THADA: variants seen among roughly 807,000 people sequenced by gnomAD.
The protein encoded by THADA is THADA armadillo repeat containing, also known as tRNA (32-2'-O)-methyltransferase regulator THADA.
A neutral mutation model predicts 219.8 loss-of-function variants in THADA; 213 were observed. The observed-to-expected ratio is 0.97, with a 90% confidence interval of 0.87 to 1.09. THADA has a LOEUF of 1.09. THADA is among the 50% of genes least tolerant of loss of function. THADA has a pLI of 0.00. For synonymous variants in THADA, 1,018 were observed against 828.9 expected, an observed-to-expected ratio of 1.23 and a Z score of -3.92; for missense variants, 2,956 against 2,311.3, an observed-to-expected ratio of 1.28 and a Z score of -5.72.
intron 31 of THADA, among the ~76,000 whole-genome samples, chr2:43,310,353 A>AT (rs1363379623): frequency 6.6e-6 from 1 of 152,080 alleles, no homozygotes; most frequent in Admixed American, 6.6e-5. Context: ...CTATGAAGTA[A>AT]TGATAATCAA....
rs771119860 is a variant in THADA at position 43,586,434 on chromosome 2, T to C, written c.500A>G (p.Gln167Arg). The C allele has an allele frequency of 9.5e-6, 15 of 1,580,092 alleles. No homozygotes were observed. The highest frequency in any genetic ancestry group is 1.2e-5 in the Non-Finnish European group (14 of 1,163,926). ...TTCCAGGATTTCAATTAAACTCTTC[T>C]GCAGAAAATGAAGCACTGAAACAAA... ...NLLKNVLHFLQKSLIEILEEN... is the reference protein window; with the variant it reads ...NLLKNVLHFLRKSLIEILEEN... Residue 167 changes from glutamine (Q) to arginine (R), a missense_variant, in exon 7 of 38, where the codon CAG becomes CGG. Coordinates refer to ENST00000405975, the MANE Select transcript of THADA (RefSeq NM_022065.5).
intron 29 of THADA, among the ~76,000 whole-genome samples, chr2:43,359,342 T>C (rs1171801520): frequency 1.3e-5 from 2 of 152,214 alleles, no homozygotes; most frequent in African/African-American, 4.8e-5. Context: ...GGGCCTGTGA[T>C]ATCAGTCCTT....
chr2:43,296,499 C>T (rs1308517989), intron 31 of THADA, among the ~76,000 whole-genome samples: 2 of 151,972 alleles, frequency 1.3e-5, no homozygotes, highest in Admixed American at 6.6e-5. Context: ...TGGTCTCAAA[C>T]TCCTGACCTC....
At chr2:43,554,364 T>TA (rs1697104562) in intron 17 of THADA, among the ~76,000 whole-genome samples, 1 of 152,170 alleles carries the variant, frequency 6.6e-6, no homozygotes, top group African/African-American at 2.4e-5. Flanking sequence ...ACATCTCCCC[T>TA]CAACGCCTTG....
chr2:43,479,381 G>A (rs143306408), intron 26 of THADA, among the ~76,000 whole-genome samples: 5 of 152,162 alleles, frequency 3.3e-5, no homozygotes, highest in African/African-American at 1.2e-4. Context: ...TTTCAGATCT[G>A]CAAAATGAGA....
At chr2:43,551,704 A>G in intron 19 of THADA, 85 bp downstream of exon 19, 1 of 1,306,260 alleles carries the variant, frequency 7.7e-7, no homozygotes, top group Non-Finnish European at 1.0e-6. Context: ...TATCTCCCCA[A>G]AGAAATACTT....
rs774673118 is a variant in THADA, at chr2:43,485,295, C to T, written c.3775G>A (p.Ala1259Thr). The change falls in exon 26 of 38, where the codon GCC becomes ACC. Residue 1259 changes from alanine to threonine, a missense_variant. Physicochemically the swap from Ala to Thr is moderately conservative, Grantham distance 58. Transcript: ENST00000405975. Reference protein sequence around the residue: ...VRNSSTLLFSALITRIFGVKR... With the variant: ...VRNSSTLLFSTLITRIFGVKR... ...ACTCCAAAAATTCTTGTGATCAAGG[C>T]ACTAAAGAGAAGTGTGGATGAATTT... 1.9e-6 allele frequency: 3 copies of T among 1,612,990 alleles called. No individual in the cohort carries two copies. In the South Asian group the frequency reaches 3.3e-5, roughly 18 times the overall value.
chr2:43,288,541 A>G (rs1366495093), intron 34 of THADA, among the ~76,000 whole-genome samples: 1 of 152,256 alleles, frequency 6.6e-6, no homozygotes, highest in Admixed American at 6.5e-5. Flanking sequence ...GAGACAGATG[A>G]AAAGACAGAT....
Position 43,590,915 on chromosome 2 carries a change from A to C in THADA, c.211T>G (p.Cys71Gly). 2 of 1,613,816 alleles carry C rather than the reference A, an allele frequency of 1.2e-6. No individual in the cohort carries two copies. Among genetic ancestry groups the C allele is most frequent in the Non-Finnish European group, 1.7e-6 (2 of 1,179,746 alleles). ...AAACAACTTTGAATAGTGGGATCAC[A>C]CATGCCATTTTTATCTGCTTTCTCC... ...LLEKADKNGM[C>G]DPTIQSCLDI... is the part of the protein sequence containing the mutation. The change falls in exon 4 of 38, where the codon TGT (cysteine) becomes GGT (glycine). Residue 71 changes from cysteine (C) to glycine (G), a missense_variant. Transcript: ENST00000405975.
At chr2:43,514,559 T>C (rs1270914416) in intron 22 of THADA, among the ~76,000 whole-genome samples, 1 of 126,372 alleles carries the variant, frequency 7.9e-6, no homozygotes, top group African/African-American at 3.1e-5. Context: ...ACAATATAAA[T>C]AATATACATA....
At chr2:43,318,018 C>G (rs1029089598) in intron 31 of THADA, among the ~76,000 whole-genome samples, 1 of 151,998 alleles carries the variant, frequency 6.6e-6, no homozygotes, top group African/African-American at 2.4e-5. Flanking sequence ...TTTTCCCATT[C>G]TAGTTGCCAT....
chr2:43,328,569 A>C (rs1459641417), intron 30 of THADA, among the ~76,000 whole-genome samples: 3 of 152,220 alleles, frequency 2.0e-5, no homozygotes, highest in Non-Finnish European at 4.4e-5. Context: ...CCATGCACAA[A>C]GTGAGAGACC....
intron 29 of THADA, among the ~76,000 whole-genome samples, chr2:43,355,945 G>C (rs1178416950): frequency 6.6e-6 from 1 of 152,102 alleles, no homozygotes; most frequent in Non-Finnish European, 1.5e-5. Flanking sequence ...GATTTAGTGA[G>C]GGAGGAAGAA....
chr2:43,301,993 TAGC>T (rs1676316906), intron 31 of THADA, among the ~76,000 whole-genome samples: 1 of 152,204 alleles, frequency 6.6e-6, no homozygotes, highest in Non-Finnish European at 1.5e-5. Flanking sequence ...GTCTGAAGTT[TAGC>T]AGCCTTCTTC....
intron 30 of THADA, among the ~76,000 whole-genome samples, chr2:43,322,059 A>T (rs1293548593): frequency 6.6e-6 from 1 of 151,866 alleles, no homozygotes; most frequent in Admixed American, 6.5e-5. Flanking sequence ...TTTTTGAGAC[A>T]GAGTCTCGCT....
At chr2:43,248,778 G>T (rs544197122) in intron 36 of THADA, among the ~76,000 whole-genome samples, 77 of 152,214 alleles carry the variant, frequency 5.1e-4, no homozygotes, top group African/African-American at 1.7e-3. Context: ...AGAAGGAGCG[G>T]CCCGGGCCGC....
chr2:43,328,377 A>C (rs1679571197), intron 30 of THADA, among the ~76,000 whole-genome samples: 1 of 152,100 alleles, frequency 6.6e-6, no homozygotes, highest in Admixed American at 6.5e-5. Context: ...TTGCATTTTT[A>C]TGGTATGCCC....
At chr2:43,585,961 G>T (rs1347079710) in intron 7 of THADA, among the ~76,000 whole-genome samples, 1 of 151,702 alleles carries the variant, frequency 6.6e-6, no homozygotes, top group Non-Finnish European at 1.5e-5. Flanking sequence ...AAATAATTGG[G>T]TCTAATATTA....
intron 26 of THADA, among the ~76,000 whole-genome samples, chr2:43,473,208 G>C (rs1685120295): frequency 6.6e-6 from 1 of 152,150 alleles, no homozygotes; most frequent in East Asian, 1.9e-4. Context: ...ACATTATTCA[G>C]CTGTACAAAA....
Sources: allele counts gnomAD v4.1 joint callset (sites outside exome capture counted in the v4.1 genomes callset), GRCh38; gene constraint gnomAD v4.1.1; transcripts MANE v1.5; gene names NCBI Gene and HGNC (gene_info 2026-07-23, HGNC 2026-07-21).